JAKMIP1: variants seen among roughly 807,000 people sequenced by gnomAD.
The protein encoded by JAKMIP1 is janus kinase and microtubule interacting protein 1.
In JAKMIP1, 33 loss-of-function variants were observed where a neutral mutation model predicts 113.0. The observed-to-expected ratio is 0.29, with a 90% CI of 0.22 to 0.39. The LOEUF (loss-of-function observed/expected upper bound fraction) is 0.39, where lower values mean the gene tolerates loss of function less well. JAKMIP1 is among the 10% of genes least tolerant of loss of function. JAKMIP1 has a pLI of 1.00. For synonymous variants in JAKMIP1, 480 were observed against 459.9 expected (o/e 1.04, Z -0.56); for missense variants, 813 against 1,080.5 (o/e 0.75, Z 3.47).
At chr4:6,035,110 T>A (rs1713232537) in intron 19 of JAKMIP1, among the ~76,000 whole-genome samples, 1 of 152,072 alleles carries the variant, frequency 6.6e-6, no homozygotes, top group African/African-American at 2.4e-5. Flanking sequence ...TAAGTCAACC[T>A]CTTTCTCTCT....
rs1257006936 is a variant in JAKMIP1, at chr4:6,126,331, CAG to C, written c.-147-13336_-147-13335del. Among the ~76,000 whole-genome samples the C allele has an allele frequency of 2.1e-5, 3 of 141,168 alleles. No individual in the cohort carries two copies. The East Asian group carries it at 6.6e-4, about 31-fold the overall frequency. 92.6% of individuals were successfully genotyped at this position (141,168 alleles called of 152,430 possible). ...AACACACACACAAACATACACCTTG[CAG>C]AAACACACACACACACACCATGCAG... On this transcript the variant is annotated intron_variant, in intron 1 of 20. Coordinates refer to ENST00000409021, the MANE Select transcript of JAKMIP1 (RefSeq NM_001099433.2).
At chr4:6,163,925 A>C (rs2109007590) in intron 1 of JAKMIP1, among the ~76,000 whole-genome samples, 1 of 152,356 alleles carries the variant, frequency 6.6e-6, no homozygotes, top group African/African-American at 2.4e-5. Flanking sequence ...GCAGAATAAA[A>C]GTCTGAAACT....
chr4:6,029,808 A>C (rs147965335), intron 19 of JAKMIP1, 27 bp from the exon 20 acceptor site: 25 of 1,528,780 alleles, frequency 1.6e-5, no homozygotes, highest in Non-Finnish European at 2.2e-5. Context: ...TACGTGTCAG[A>C]AAAAGTAAGT....
At chr4:6,127,515 C>G (rs1717865145) in intron 1 of JAKMIP1, among the ~76,000 whole-genome samples, 1 of 152,198 alleles carries the variant, frequency 6.6e-6, no homozygotes, top group South Asian at 2.1e-4. Context: ...GGCTCCCTGG[C>G]AAATGGCTTG....
Position 6,150,137 on chromosome 4 carries a change from C to T in JAKMIP1, c.-147-37140G>A, listed in dbSNP as rs1345990787. 6.6e-6 allele frequency among the ~76,000 whole-genome samples: 1 copy of T among 152,170 alleles called. No individual in the cohort carries two copies. Among genetic ancestry groups the T allele is most frequent in the African/African-American group, 2.4e-5 (1 of 41,420 alleles). ...GAAAGTGAATGATACAGGTAGTGCC[C>T]CCTTCGGCTACTTCCCCACAGCACA... On this transcript the variant is annotated intron_variant, in intron 1 of 20. Coordinates refer to ENST00000409021, the MANE Select transcript of JAKMIP1 (RefSeq NM_001099433.2). The surrounding 1 kb of genome is among the most constrained non-coding windows in gnomAD (Gnocchi z 4.8).
rs1415617182 is a variant in JAKMIP1, at chr4:6,029,736, G to A, written c.2425C>T (p.Leu809=). Residue 809 remains leucine, a synonymous_variant, in exon 20 of 21, where the codon CTG becomes TTG. Coordinates refer to ENST00000409021, the MANE Select transcript of JAKMIP1 (RefSeq NM_001099433.2). The part of the protein sequence containing the change: ...EDKLEFQKRH[L]KELEEKFLFL... ...CCTACCTTTTCCTCCAGTTCTTTCA[G>A]GTGCCGCTTCTGAAACTCCAGTTTG... The A allele has an allele frequency of 3.7e-6, 6 of 1,604,114 alleles. No individual in the cohort carries two copies. In the African/African-American group the frequency reaches 5.3e-5, roughly 14 times the overall value.
chr4:6,079,352 G>A (rs899897552), intron 7 of JAKMIP1, among the ~76,000 whole-genome samples: 1 of 152,002 alleles, frequency 6.6e-6, no homozygotes, highest in African/African-American at 2.4e-5. Flanking sequence ...AGATGGGTGG[G>A]TGGATGGATG....
At position 6,199,839 on chromosome 4, in the gene JAKMIP1, A is replaced by AC. The variant is rs1355462625; in HGVS notation, c.-148+413dup. 2.7e-5 allele frequency among the ~76,000 whole-genome samples: 4 copies of AC among 147,674 alleles called. No individual in the cohort carries two copies. Among genetic ancestry groups the AC allele is most frequent in the Non-Finnish European group, 3.0e-5 (2 of 66,902 alleles). ...GACACGGAGGGGACGGGCCGGCCAC[A>AC]CCCCCCGCGCCACTCCGGCAGGCAC... is the stretch of plus-strand genomic sequence containing the variant. On this transcript the variant is annotated intron_variant, in intron 1 of 20. Transcript: ENST00000409021. The surrounding 1 kb of genome is among the most constrained non-coding windows in gnomAD (Gnocchi z 5.6).
At chr4:6,072,706 T>C (rs1416420597) in intron 8 of JAKMIP1, among the ~76,000 whole-genome samples, 3 of 152,144 alleles carry the variant, frequency 2.0e-5, no homozygotes, top group Non-Finnish European at 1.5e-5. Context: ...GCTCACAGAC[T>C]GGTGACAGCC....
At position 6,049,959 on chromosome 4, in the gene JAKMIP1, A is replaced by G. The variant is rs753990390; in HGVS notation, c.1909-87T>C. The G allele has an allele frequency of 9.0e-6, 8 of 888,848 alleles. No individual in the cohort carries two copies. The highest frequency in any genetic ancestry group is 1.5e-5 in the Non-Finnish European group (8 of 545,602). The allele number at this position is 888,848 out of a possible 1,614,324, so 55.1% of individuals were successfully genotyped here. On this transcript the variant is annotated intron_variant, in intron 14 of 20. Coordinates refer to ENST00000409021, the MANE Select transcript of JAKMIP1 (RefSeq NM_001099433.2). This position sits in a 1 kb window ranked among gnomAD's most constrained non-coding sequence, Gnocchi z 7.0. ...TAGGGCCACGGCCTTTCCTCTGGAC[A>G]AGACACCGCGCTCTTTCTTTTCTTT...
chr4:6,132,152 T>C lies in JAKMIP1; in HGVS notation c.-147-19155A>G, dbSNP rs75714298. On this transcript the variant is annotated intron_variant, in intron 1 of 20. Transcript: ENST00000409021. ...GGGTACAGCTTATGGATAAGAGCAA[T>C]GAATGGGAGAGACGAAACGGGACTC... Among the ~76,000 whole-genome samples, 1,485 of 152,212 alleles carry C rather than the reference T, an allele frequency of 9.8e-3. 19 individuals carry two copies. The highest frequency in any genetic ancestry group is 0.033 in the African/African-American group (1,362 of 41,510).
chr4:6,084,920 T>C lies in JAKMIP1; in HGVS notation c.880A>G (p.Ile294Val). Residue 294 changes from isoleucine to valine, a missense_variant, in exon 5 of 21, where the codon ATT becomes GTT. Transcript: ENST00000409021. The stretch of plus-strand genomic sequence containing the variant: ...CGTATCACTGAATTCAGTTCAGCAA[T>C]TTTTAGTTGAAATCGCCTCACATCT... ...ERDVRRFQLK[I>V]AELNSVIRKL... The C allele has an allele frequency of 3.1e-6, 5 of 1,609,770 alleles. No homozygotes were observed. Among genetic ancestry groups the C allele is most frequent in the Non-Finnish European group, 3.4e-6 (4 of 1,179,100 alleles).
intron 20 of JAKMIP1, 38 bp downstream of exon 20, chr4:6,029,678 A>C (rs759736464): frequency 7.0e-7 from 1 of 1,432,942 alleles, no homozygotes; most frequent in Non-Finnish European, 9.7e-7. Flanking sequence ...CATTTCATGG[A>C]AAGAAACCTG....
chr4:6,187,293 T>C lies in JAKMIP1; in HGVS notation c.-148+12960A>G, dbSNP rs931352090. Among the ~76,000 whole-genome samples, 10 of 152,254 alleles carry C rather than the reference T, an allele frequency of 6.6e-5. No homozygotes were observed. Among genetic ancestry groups the C allele is most frequent in the African/African-American group, 1.7e-4 (7 of 41,466 alleles). On this transcript the variant is annotated intron_variant, in intron 1 of 20. Transcript: ENST00000409021. This position sits in a 1 kb window ranked among gnomAD's most constrained non-coding sequence, Gnocchi z 4.2. Reference sequence around the variant, plus strand: ...TGTTTTAAACTCATTTTGTCTAATATCAGTACAGCCCCTTAGCTTTCTTAT... The same window carrying C: ...TGTTTTAAACTCATTTTGTCTAATACCAGTACAGCCCCTTAGCTTTCTTAT...
At chr4:6,104,606 A>G (rs544145549) in intron 3 of JAKMIP1, among the ~76,000 whole-genome samples, 1 of 152,366 alleles carries the variant, frequency 6.6e-6, no homozygotes, top group South Asian at 2.1e-4. Flanking sequence ...TCTTTGATCC[A>G]GTCTGAAAAT....
chr4:6,156,044 T>G lies in JAKMIP1; in HGVS notation c.-147-43047A>C, dbSNP rs1456940206. Among the ~76,000 whole-genome samples, 3 of 152,240 alleles carry G rather than the reference T, an allele frequency of 2.0e-5. No individual in the cohort carries two copies. Among genetic ancestry groups the G allele is most frequent in the Non-Finnish European group, 2.9e-5 (2 of 68,034 alleles). On this transcript the variant is annotated intron_variant, in intron 1 of 20. Coordinates refer to ENST00000409021, the MANE Select transcript of JAKMIP1 (RefSeq NM_001099433.2). The surrounding 1 kb of genome is among the most constrained non-coding windows in gnomAD (Gnocchi z 5.0). ...CAGTGCCCAGCACAATAATGGATCT[T>G]CAAGAAATATTTGGTGATCCAGAAA...
chr4:6,077,780 G>A (rs543652846), intron 8 of JAKMIP1, among the ~76,000 whole-genome samples: 116 of 152,138 alleles, frequency 7.6e-4, no homozygotes, highest in African/African-American at 2.6e-3. Context: ...CACTGTGCCC[G>A]GTCTTTTTCG....
At chr4:6,128,100 C>T (rs1017628821) in intron 1 of JAKMIP1, among the ~76,000 whole-genome samples, 1 of 152,208 alleles carries the variant, frequency 6.6e-6, no homozygotes, top group Non-Finnish European at 1.5e-5. Flanking sequence ...CCTCCACCTG[C>T]GGGTGAAGAT....
In JAKMIP1 at chr4:6,132,323, G is replaced by A. The variant is rs187109956; in HGVS notation, c.-147-19326C>T. 3.0e-4 allele frequency among the ~76,000 whole-genome samples: 45 copies of A among 152,270 alleles called. 1 individual carries two copies. In the East Asian group the frequency reaches 8.5e-3, roughly 29 times the overall value. The stretch of plus-strand genomic sequence containing the variant: ...AAAGTACACTTGATATGTTCAGAAG[G>A]ACAGAGCATGGAAATGTTATTAAAA... On this transcript the variant is annotated intron_variant, in intron 1 of 20. Transcript: ENST00000409021.
Sources: gnomAD v4.1 joint callset for allele counts (sites outside exome capture counted in the v4.1 genomes callset) on GRCh38, gnomAD v4.1.1 for gene constraint, Gnocchi (gnomAD v3.1) non-coding constraint, MANE v1.5 for transcripts, NCBI Gene and HGNC (gene_info 2026-07-23, HGNC 2026-07-21) for gene names.